Variants in ADK observed in about 807,000 individuals in gnomAD.
ADK encodes the protein adenosine kinase.
Under a neutral mutation model 44.7 loss-of-function variants are expected in ADK, and 24 were observed. That is an observed-to-expected ratio of 0.54 (90% confidence interval 0.39 to 0.76). ADK has a LOEUF of 0.76. Among genes scored for constraint, ADK ranks in the 30% least tolerant of loss-of-function variants. The pLI, the probability that ADK is intolerant of heterozygous loss-of-function variation, is 0.00. For missense variants in ADK, 321 were observed against 425.1 expected, an observed-to-expected ratio of 0.76 and a Z score of 2.15; for synonymous variants, 128 against 142.6, an observed-to-expected ratio of 0.90 and a Z score of 0.73.
At chr10:74,472,275 A>G (rs1473985696) in intron 6 of ADK, among the ~76,000 whole-genome samples, 1 of 152,176 alleles carries the variant, frequency 6.6e-6, no homozygotes, top group Non-Finnish European at 1.5e-5. Context: ...GTTTTTTACC[A>G]TCGAGTATTA....
chr10:74,219,990 G>C (rs1299034614), intron 2 of ADK, among the ~76,000 whole-genome samples: 1 of 147,696 alleles, frequency 6.8e-6, no homozygotes, highest in Admixed American at 6.8e-5. Flanking sequence ...ACATTCAAAA[G>C]CTAGCAGAAG....
At chr10:74,564,042 C>T (rs543541613) in intron 7 of ADK, among the ~76,000 whole-genome samples, 1 of 147,076 alleles carries the variant, frequency 6.8e-6, no homozygotes, top group Non-Finnish European at 1.5e-5. Context: ...ATCCCTCCCC[C>T]CTCCCCCAAC....
chr10:74,688,281 G>A (rs1344988251), intron 10 of ADK, among the ~76,000 whole-genome samples: 3 of 152,034 alleles, frequency 2.0e-5, no homozygotes, highest in African/African-American at 7.2e-5. Flanking sequence ...TAACACTCTG[G>A]AATTGTCTTA....
chr10:74,203,049 C>T (rs1242350398), intron 2 of ADK, among the ~76,000 whole-genome samples: 1 of 152,140 alleles, frequency 6.6e-6, no homozygotes, highest in Non-Finnish European at 1.5e-5. Context: ...AGATTTGTGC[C>T]TGTGTTTTCT....
At chr10:74,161,257 A>G (rs1203055503) in intron 1 of ADK, among the ~76,000 whole-genome samples, 1 of 152,172 alleles carries the variant, frequency 6.6e-6, no homozygotes, top group Non-Finnish European at 1.5e-5. Flanking sequence ...ACTGGAGTTC[A>G]GTGGCATGAT....
chr10:74,284,608 C>G (rs1847088668), intron 3 of ADK, among the ~76,000 whole-genome samples: 1 of 152,202 alleles, frequency 6.6e-6, no homozygotes, highest in Non-Finnish European at 1.5e-5. Flanking sequence ...CTCTGTGGCT[C>G]TGTTTCTTCT....
At chr10:74,214,834 T>A (rs956932499) in intron 2 of ADK, among the ~76,000 whole-genome samples, 1 of 152,230 alleles carries the variant, frequency 6.6e-6, no homozygotes, top group African/African-American at 2.4e-5. Flanking sequence ...TCATAATTGT[T>A]AAATAATGCG....
Position 74,451,954 on chromosome 10 carries a change from C to T in ADK, c.555+53375C>T, listed in dbSNP as rs535197665. Among the ~76,000 whole-genome samples, 18 of 151,554 alleles carry T rather than the reference C, an allele frequency of 1.2e-4. No homozygotes were observed. In the East Asian group the frequency reaches 3.1e-3, roughly 26 times the overall value. ...AAGTGGGCTTGAAAAACAGTGGATACATTGATGAAACATTTCAATTTTCAC... is the reference window on the plus strand; with the variant it reads ...AAGTGGGCTTGAAAAACAGTGGATATATTGATGAAACATTTCAATTTTCAC... On this transcript the variant is annotated intron_variant, in intron 6 of 10. Coordinates refer to ENST00000539909, the MANE Select transcript of ADK (RefSeq NM_006721.4).
intron 4 of ADK, among the ~76,000 whole-genome samples, chr10:74,345,984 T>C (rs1197462120): frequency 1.3e-5 from 2 of 152,144 alleles, no homozygotes; most frequent in Non-Finnish European, 2.9e-5. Context: ...AACCTCTACC[T>C]CCCAGGTTCA....
At chr10:74,198,005 G>A (rs1052363324) in intron 1 of ADK, among the ~76,000 whole-genome samples, 1 of 152,156 alleles carries the variant, frequency 6.6e-6, no homozygotes, top group Non-Finnish European at 1.5e-5. Flanking sequence ...CCATAGTTTT[G>A]TGGTTATATG....
At chr10:74,281,171 G>A (rs1453497535) in intron 3 of ADK, among the ~76,000 whole-genome samples, 1 of 152,244 alleles carries the variant, frequency 6.6e-6, no homozygotes, top group Non-Finnish European at 1.5e-5. Flanking sequence ...ACACAAATGT[G>A]AAGATAGTGT....
intron 6 of ADK, among the ~76,000 whole-genome samples, chr10:74,486,507 A>G (rs1449230229): frequency 6.6e-6 from 1 of 152,206 alleles, no homozygotes; most frequent in Non-Finnish European, 1.5e-5. Flanking sequence ...ACCAACAGGT[A>G]TAGTTTTCCA....
chr10:74,469,308 C>T (rs1846473885), intron 6 of ADK, among the ~76,000 whole-genome samples: 1 of 152,162 alleles, frequency 6.6e-6, no homozygotes, highest in African/African-American at 2.4e-5. Context: ...CACTGCACTC[C>T]AGCCTGGGTG....
intron 10 of ADK, among the ~76,000 whole-genome samples, chr10:74,673,510 C>G (rs1288888831): frequency 6.6e-6 from 1 of 152,138 alleles, no homozygotes; most frequent in African/African-American, 2.4e-5. Context: ...CTGGGCTGAG[C>G]GCTTTTGGGC....
chr10:74,229,960 G>A (rs182598722), intron 3 of ADK, among the ~76,000 whole-genome samples: 4 of 152,032 alleles, frequency 2.6e-5, no homozygotes, highest in Admixed American at 6.6e-5. Context: ...GATTGCTTGA[G>A]ACCAGGAGGT....
intron 7 of ADK, among the ~76,000 whole-genome samples, chr10:74,541,294 C>T (rs1589231075): frequency 6.6e-6 from 1 of 152,148 alleles, no homozygotes; most frequent in African/African-American, 2.4e-5. Flanking sequence ...GGATTACAGG[C>T]ATGAGTCACC....
At chr10:74,371,681 A>G (rs1397920301) in intron 4 of ADK, 4 of 1,126,698 alleles carry the variant, frequency 3.6e-6, no homozygotes, top group Non-Finnish European at 5.3e-6. Context: ...TCCACATCGT[A>G]AATCTGAAGA....
chr10:74,365,960 T>C (rs547387385), intron 4 of ADK, among the ~76,000 whole-genome samples: 1 of 152,352 alleles, frequency 6.6e-6, no homozygotes, highest in East Asian at 1.9e-4. Flanking sequence ...TGCCTTTTCC[T>C]AATGACTAAT....
chr10:74,536,434 A>G (rs1361233895), intron 7 of ADK, among the ~76,000 whole-genome samples: 1 of 151,938 alleles, frequency 6.6e-6, no homozygotes, highest in African/African-American at 2.4e-5. Flanking sequence ...ATATAACCAG[A>G]TTATAATTAC....
Sources: gnomAD v4.1 joint callset for allele counts (sites outside exome capture counted in the v4.1 genomes callset) on GRCh38, gnomAD v4.1.1 for gene constraint, MANE v1.5 for transcripts, NCBI Gene and HGNC (gene_info 2026-07-23, HGNC 2026-07-21) for gene names.